Variants in ITFG1 observed in about 807,000 individuals in gnomAD.
The protein encoded by ITFG1 is T-cell immunomodulatory protein.
In ITFG1, 34 loss-of-function variants were observed where a neutral mutation model predicts 81.8. The observed-to-expected ratio is 0.42, with a 90% confidence interval of 0.32 to 0.55. ITFG1 has a LOEUF of 0.55. ITFG1 is among the 20% of genes least tolerant of loss of function. ITFG1 has a pLI of 0.17. For synonymous variants in ITFG1, 285 were observed against 270.6 expected (o/e 1.05, Z -0.52); for missense variants, 672 against 755.4 (o/e 0.89, Z 1.29).
At position 47,180,627 on chromosome 16, in the gene ITFG1, C is replaced by T. The variant is rs538468724; in HGVS notation, c.1454-17963G>A. On this transcript the variant is annotated intron_variant, in intron 14 of 17. Coordinates refer to ENST00000320640, the MANE Select transcript of ITFG1 (RefSeq NM_030790.5). ...CTCCAGCTCCTAACCGTGAGTGATC[C>T]GCCAGCCTCGGCCTCCCGAGGTGCC... 2.6e-4 allele frequency among the ~76,000 whole-genome samples: 39 copies of T among 152,316 alleles called. 1 individual carries two copies. The highest frequency in any genetic ancestry group is 1.9e-3 in the East Asian group (10 of 5,188).
At chr16:47,319,393 C>G (rs1024036930) in intron 8 of ITFG1, among the ~76,000 whole-genome samples, 1 of 152,192 alleles carries the variant, frequency 6.6e-6, no homozygotes, top group Non-Finnish European at 1.5e-5. Flanking sequence ...TGTCCATCAA[C>G]TACCGAAGCT....
At chr16:47,293,881 T>C (rs1362029774) in intron 10 of ITFG1, among the ~76,000 whole-genome samples, 2 of 152,170 alleles carry the variant, frequency 1.3e-5, no homozygotes, top group African/African-American at 4.8e-5. Context: ...TTAAGTCCCA[T>C]ATGTCTATTT....
chr16:47,162,510 T>G (rs765552546), intron 15 of ITFG1, 30 bp downstream of exon 15: 1 of 1,534,606 alleles, frequency 6.5e-7, no homozygotes, highest in East Asian at 2.3e-5. Flanking sequence ...AAACATAGAT[T>G]AATTGTAAAC....
chr16:47,345,875 C>T (rs960306862), intron 8 of ITFG1, among the ~76,000 whole-genome samples: 18 of 152,240 alleles, frequency 1.2e-4, no homozygotes, highest in East Asian at 3.9e-4. Flanking sequence ...CACCCAACAT[C>T]GGAGCACCTA....
At chr16:47,460,277 A>C (rs1185351763) in intron 1 of ITFG1, among the ~76,000 whole-genome samples, 3 of 152,152 alleles carry the variant, frequency 2.0e-5, no homozygotes, top group African/African-American at 7.2e-5. Context: ...TGAGCTGTTT[A>C]GTGTTTAGGC....
At chr16:47,250,086 C>T (rs1261147589) in intron 12 of ITFG1, among the ~76,000 whole-genome samples, 1 of 152,142 alleles carries the variant, frequency 6.6e-6, no homozygotes, top group Non-Finnish European at 1.5e-5. Context: ...AACATTATCA[C>T]CTCTTTAAAA....
chr16:47,199,750 A>G (rs549776496), intron 14 of ITFG1, among the ~76,000 whole-genome samples: 1 of 152,288 alleles, frequency 6.6e-6, no homozygotes, highest in East Asian at 1.9e-4. Flanking sequence ...TATTGTTATT[A>G]CACTGTAATA....
intron 8 of ITFG1, among the ~76,000 whole-genome samples, chr16:47,338,506 T>C (rs1447754003): frequency 6.6e-6 from 1 of 152,084 alleles, no homozygotes; most frequent in Non-Finnish European, 1.5e-5. Context: ...AGAGTTACAT[T>C]ATAATATCTA....
chr16:47,258,858 C>T (rs1416437555), intron 11 of ITFG1, 118 bp from the exon 12 acceptor site: 2 of 495,728 alleles, frequency 4.0e-6, no homozygotes, highest in Non-Finnish European at 6.9e-6. Context: ...TTTATTCATC[C>T]TCATGTTTAA....
rs200525858 is a variant in ITFG1, at chr16:47,315,775, A to ATATATATATATATATATG, written c.803-1953_803-1952insCATATATATATATATATA. On this transcript the variant is annotated intron_variant, in intron 8 of 17. Coordinates refer to ENST00000320640, the MANE Select transcript of ITFG1 (RefSeq NM_030790.5). ...TTGTGCTATTCTAAATGCCATATATATATACACATATATATAATTTATTAT... is the reference window on the plus strand; with the variant it reads ...TTGTGCTATTCTAAATGCCATATATATATATATATATATATATGTATACACATATATATAATTTATTAT... 5.7e-4 allele frequency among the ~76,000 whole-genome samples: 87 copies of ATATATATATATATATATG among 151,368 alleles called. 1 individual carries two copies. The highest frequency in any genetic ancestry group is 2.0e-3 in the African/African-American group (80 of 40,816).
At chr16:47,200,700 T>G (rs1317171548) in intron 14 of ITFG1, among the ~76,000 whole-genome samples, 1 of 152,208 alleles carries the variant, frequency 6.6e-6, no homozygotes, top group Non-Finnish European at 1.5e-5. Flanking sequence ...CTAAGATTTC[T>G]CAGGCTCTTT....
intron 8 of ITFG1, among the ~76,000 whole-genome samples, chr16:47,320,426 A>G (rs1967431221): frequency 6.6e-6 from 1 of 152,128 alleles, no homozygotes; most frequent in Admixed American, 6.6e-5. Flanking sequence ...AGTACTTTGG[A>G]GCATTAGTTT....
chr16:47,216,548 T>C (rs189421985), intron 14 of ITFG1, among the ~76,000 whole-genome samples: 2 of 152,324 alleles, frequency 1.3e-5, no homozygotes, highest in East Asian at 1.9e-4. Context: ...TCAACAGTTA[T>C]AGAAATGTAC....
chr16:47,165,614 G>A (rs1019593253), intron 14 of ITFG1, among the ~76,000 whole-genome samples: 1 of 152,240 alleles, frequency 6.6e-6, no homozygotes, highest in Admixed American at 6.5e-5. Flanking sequence ...GGAGGCCAAG[G>A]CAGGTGGATT....
chr16:47,258,934 A>T (rs1282415817), intron 11 of ITFG1, among the ~76,000 whole-genome samples, 194 bp from the exon 12 acceptor site: 1 of 152,228 alleles, frequency 6.6e-6, no homozygotes, highest in Non-Finnish European at 1.5e-5. Flanking sequence ...TATAAATAAA[A>T]TAAAAAACAT....
At chr16:47,219,021 A>C in intron 13 of ITFG1, 75 bp from the exon 14 acceptor site, 1 of 995,746 alleles carries the variant, frequency 1.0e-6, no homozygotes, top group Non-Finnish European at 1.4e-6. Flanking sequence ...AATCTCTTTC[A>C]AAGCAAAAAA....
chr16:47,280,785 T>G (rs187023037), intron 10 of ITFG1, among the ~76,000 whole-genome samples: 57 of 152,246 alleles, frequency 3.7e-4, no homozygotes, highest in African/African-American at 1.4e-3. Flanking sequence ...AGGAGCAGCT[T>G]GAGTCCAACG....
At chr16:47,328,613 C>G (rs1168784287) in intron 8 of ITFG1, among the ~76,000 whole-genome samples, 1 of 151,952 alleles carries the variant, frequency 6.6e-6, no homozygotes, top group East Asian at 1.9e-4. Flanking sequence ...TGTTATATAA[C>G]TAATTAGCTT....
intron 14 of ITFG1, among the ~76,000 whole-genome samples, chr16:47,190,666 C>T (rs1245986075): frequency 2.6e-5 from 4 of 152,200 alleles, no homozygotes; most frequent in Non-Finnish European, 5.9e-5. Context: ...GTCAATACTT[C>T]CATCTTTGTA....
Sources: gnomAD v4.1 joint callset for allele counts (sites outside exome capture counted in the v4.1 genomes callset) on GRCh38, gnomAD v4.1.1 for gene constraint, MANE v1.5 for transcripts, NCBI Gene and HGNC (gene_info 2026-07-23, HGNC 2026-07-21) for gene names.